Variants in OSBPL1A observed in about 807,000 individuals in gnomAD.
OSBPL1A encodes oxysterol-binding protein-related protein 1.
A neutral mutation model predicts 137.1 loss-of-function variants in OSBPL1A; 80 were observed. That is an observed-to-expected ratio of 0.58 (90% CI 0.49 to 0.70). The LOEUF is 0.70. Ranked by LOEUF, OSBPL1A falls within the 30% of genes least tolerant of loss-of-function variation. The pLI is 0.00. For synonymous variants in OSBPL1A, 365 were observed against 389.7 expected (o/e 0.94, Z 0.75); for missense variants, 970 against 1,129.4 (o/e 0.86, Z 2.02).
rs570222391 is a variant in OSBPL1A, at chr18:24,353,083, A to C, written c.283-11425T>G. On this transcript the variant is annotated intron_variant, in intron 4 of 27. Transcript: ENST00000319481. ...TTGACAAATGGGATCTAATTAAACT[A>C]AAGAGCTTCTGCACAGCAAAAAAAA... 3.3e-5 allele frequency among the ~76,000 whole-genome samples: 5 copies of C among 152,288 alleles called. No homozygotes were observed. In the East Asian group the frequency reaches 5.8e-4, roughly 18 times the overall value.
At chr18:24,369,691 G>A (rs900608171) in intron 2 of OSBPL1A, among the ~76,000 whole-genome samples, 5 of 152,142 alleles carry the variant, frequency 3.3e-5, no homozygotes, top group African/African-American at 1.2e-4. Flanking sequence ...GGGATTGTTT[G>A]CCATTTACCC....
intron 14 of OSBPL1A, among the ~76,000 whole-genome samples, chr18:24,293,333 C>T (rs2090221785): frequency 6.6e-6 from 1 of 151,986 alleles, no homozygotes; most frequent in African/African-American, 2.4e-5. Context: ...GGCAGAGGAA[C>T]CCGGCAGCAC....
chr18:24,210,558 G>A (rs1473131652), intron 17 of OSBPL1A, among the ~76,000 whole-genome samples: 1 of 148,036 alleles, frequency 6.8e-6, no homozygotes, highest in Non-Finnish European at 1.5e-5. Context: ...TCTTGAGATA[G>A]GGTCTTACTT....
At chr18:24,344,876 C>G (rs2091320348) in intron 4 of OSBPL1A, among the ~76,000 whole-genome samples, 1 of 152,120 alleles carries the variant, frequency 6.6e-6, no homozygotes, top group South Asian at 2.1e-4. Flanking sequence ...TGCAGTGGCA[C>G]TACCTCGGCT....
intron 4 of OSBPL1A, chr18:24,366,608 TA>T: frequency 1.6e-5 from 4 of 247,244 alleles, no homozygotes; most frequent in East Asian, 8.0e-5. Context: ...ATTTTTTTTT[TA>T]AAAAAAAGAA....
chr18:24,278,154 A>G (rs1247818940), intron 15 of OSBPL1A, among the ~76,000 whole-genome samples: 2 of 152,230 alleles, frequency 1.3e-5, no homozygotes, highest in East Asian at 1.9e-4. Flanking sequence ...AAAGCTTGCT[A>G]TATGGTTTCC....
intron 1 of OSBPL1A, among the ~76,000 whole-genome samples, chr18:24,382,824 T>G (rs775023134): frequency 1.3e-4 from 19 of 151,830 alleles, no homozygotes; most frequent in Non-Finnish European, 2.4e-4. Context: ...TGCAGTGAGC[T>G]GAGATCACGC....
Position 24,314,454 on chromosome 18 carries a change from G to A in OSBPL1A, c.871-107C>T, listed in dbSNP as rs1014642527. On this transcript the variant is annotated intron_variant, in intron 11 of 27. Coordinates refer to ENST00000319481, the MANE Select transcript of OSBPL1A (RefSeq NM_080597.4). ...TAGTGACATGACTTAACGATACCCA[G>A]TTGAACACTTAAGTATTGACAGATA... 8.9e-6 allele frequency: 6 copies of A among 671,328 alleles called. No homozygotes were observed. The East Asian group carries it at 1.4e-4, about 16-fold the overall frequency. 41.6% of individuals were successfully genotyped at this position (671,328 alleles called of 1,614,324 possible). A position where few individuals can be genotyped will look rare whatever the true frequency, so the allele number is the denominator to read the frequency against.
At chr18:24,376,643 G>C (rs531315382) in intron 2 of OSBPL1A, among the ~76,000 whole-genome samples, 23 of 152,222 alleles carry the variant, frequency 1.5e-4, no homozygotes, top group African/African-American at 4.6e-4. Context: ...AGTGCTCATC[G>C]AGGAGGCTTG....
At chr18:24,183,864 C>A (rs1221956573) in intron 18 of OSBPL1A, among the ~76,000 whole-genome samples, 1 of 152,200 alleles carries the variant, frequency 6.6e-6, no homozygotes, top group Non-Finnish European at 1.5e-5. Context: ...CTTTCCAGTT[C>A]TTTCTAATCA....
intron 15 of OSBPL1A, among the ~76,000 whole-genome samples, chr18:24,266,064 A>T (rs2089562641): frequency 6.6e-6 from 1 of 152,258 alleles, no homozygotes; most frequent in Non-Finnish European, 1.5e-5. Flanking sequence ...GTAGAAAGAA[A>T]GGGTCTGCGT....
chr18:24,338,071 TTTTC>T (rs201329695), intron 5 of OSBPL1A, among the ~76,000 whole-genome samples: 21 of 139,488 alleles, frequency 1.5e-4, no homozygotes, highest in South Asian at 6.5e-4. Context: ...AAATTTTTCT[TTTTC>T]TTTCTTTTTT....
intron 4 of OSBPL1A, among the ~76,000 whole-genome samples, chr18:24,344,488 T>C (rs1316854926): frequency 6.6e-6 from 1 of 152,116 alleles, no homozygotes; most frequent in African/African-American, 2.4e-5. Context: ...AAGTCTAGGT[T>C]AAACACGATG....
At chr18:24,351,870 G>A (rs754845376) in intron 4 of OSBPL1A, among the ~76,000 whole-genome samples, 11 of 152,102 alleles carry the variant, frequency 7.2e-5, no homozygotes, top group Non-Finnish European at 1.3e-4. Flanking sequence ...AAAATAAGGC[G>A]TTATACCAAA....
At chr18:24,168,093 T>C (rs191075083) in intron 24 of OSBPL1A, among the ~76,000 whole-genome samples, 2 of 152,298 alleles carry the variant, frequency 1.3e-5, no homozygotes, top group Non-Finnish European at 2.9e-5. Context: ...AAATAATTCA[T>C]TTGAGTATTT....
At chr18:24,180,646 G>A (rs916202798) in intron 19 of OSBPL1A, among the ~76,000 whole-genome samples, 3 of 152,144 alleles carry the variant, frequency 2.0e-5, no homozygotes, top group African/African-American at 4.8e-5. Context: ...AGGCCCAGGC[G>A]GGTGGATCAC....
Position 24,228,257 on chromosome 18 carries a change from C to T in OSBPL1A, c.1445-3059G>A, listed in dbSNP as rs73967996. Reference sequence around the variant, plus strand: ...CCCCCTCTTTGTCCTTACTCTTCTCCCTGTCTCCCTGTGCCTCCACCTCTT... The same window carrying T: ...CCCCCTCTTTGTCCTTACTCTTCTCTCTGTCTCCCTGTGCCTCCACCTCTT... On this transcript the variant is annotated intron_variant, in intron 16 of 27. Transcript: ENST00000319481. 9.3e-3 allele frequency among the ~76,000 whole-genome samples: 1,396 copies of T among 150,694 alleles called. 20 individuals are homozygous for T. Among genetic ancestry groups the T allele is most frequent in the African/African-American group, 0.032 (1,297 of 40,862 alleles).
intron 4 of OSBPL1A, among the ~76,000 whole-genome samples, chr18:24,352,366 A>G (rs2091455458): frequency 6.6e-6 from 1 of 152,314 alleles, no homozygotes; most frequent in South Asian, 2.1e-4. Context: ...TCTTCCAGAG[A>G]TAAGCCAACA....
rs201044429 is a variant in OSBPL1A, at chr18:24,294,217, G to GT, written c.1174+9419dup. 8.8e-3 allele frequency among the ~76,000 whole-genome samples: 1,261 copies of GT among 143,382 alleles called. 25 individuals carry two copies. Among genetic ancestry groups the GT allele is most frequent in the African/African-American group, 0.026 (1,002 of 38,380 alleles). The allele number at this position is 143,382 out of a possible 152,430, so 94.1% of individuals were successfully genotyped here. On this transcript the variant is annotated intron_variant, in intron 14 of 27. Coordinates refer to ENST00000319481, the MANE Select transcript of OSBPL1A (RefSeq NM_080597.4). ...CAGTGTACACTACATCCAATATGTGGTTGTTTTTTTTTTTGGTGGTGGTGT... is the reference window on the plus strand; with the variant it reads ...CAGTGTACACTACATCCAATATGTGGTTTGTTTTTTTTTTTGGTGGTGGTGT...
Sources: allele counts gnomAD v4.1 joint callset (sites outside exome capture counted in the v4.1 genomes callset), GRCh38; gene constraint gnomAD v4.1.1; transcripts MANE v1.5; gene names NCBI Gene and HGNC (gene_info 2026-07-23, HGNC 2026-07-21).